The following TLE5 variants were observed in gnomAD, a reference collection of about 807,000 sequenced individuals.
TLE5 encodes the protein TLE family member 5, transcriptional modulator.
In TLE5, 7 loss-of-function variants were observed where a neutral mutation model predicts 25.8. The ratio of observed to expected loss-of-function variants is 0.27; its 90% CI spans 0.15 to 0.51. TLE5 has a LOEUF of 0.51. TLE5 is among the 20% of genes least tolerant of loss of function. The pLI, the probability that TLE5 is intolerant of heterozygous loss-of-function variation, is 0.97. For synonymous variants in TLE5, 132 were observed against 110.5 expected (o/e 1.20, Z -1.22); for missense variants, 149 against 250.7 (o/e 0.59, Z 2.74).
rs141966620 is a variant in TLE5, at chr19:3,053,945, C to T, written c.468G>A (p.Ala156=). Residue 156 remains alanine, a synonymous_variant, in exon 7 of 7, where the codon GCG becomes GCA. Transcript: ENST00000327141. ...AGAGGAGGCCGGTGCCTGCGCTGAC[C>T]GCCGGCAGCGAAGGCGGCTGCAGCC... ...PVGLQPPSLP[A]VSAGTGLLSL... is the part of the protein sequence containing the mutation. 1.1e-3 allele frequency: 1,792 copies of T among 1,612,062 alleles called. No homozygotes were observed. Among genetic ancestry groups the T allele is most frequent in the Non-Finnish European group, 1.4e-3 (1,631 of 1,179,600 alleles).
upstream of TLE5, chr19:3,062,940 TA>T: frequency 1.2e-6 from 1 of 835,376 alleles, no homozygotes; most frequent in Non-Finnish European, 1.9e-6. Flanking sequence ...ATAGAACGCC[TA>T]CTGTGTGCCA....
chr19:3,053,420 C>T lies in TLE5; in HGVS notation c.*399G>A, dbSNP rs2145252440. ...GGAAAGGGGCAGCTAGCATTGCGTG[C>T]ATGCAGTACCAGGGTGAGAGGGCTG... On this transcript the variant is annotated 3_prime_UTR_variant, in exon 7 of 7. Coordinates refer to ENST00000327141, the MANE Select transcript of TLE5 (RefSeq NM_001130.6). The T allele has an allele frequency of 5.1e-6, 1 of 194,506 alleles. No individual in the cohort carries two copies. Among genetic ancestry groups the T allele is most frequent in the South Asian group, 1.2e-4 (1 of 8,434 alleles). 12.0% of individuals were successfully genotyped at this position (194,506 alleles called of 1,614,324 possible). A position where few individuals can be genotyped will look rare whatever the true frequency, so the allele number is the denominator to read the frequency against.
chr19:3,056,458 GGAGACAGCAA>G, intron 3 of TLE5, 102 bp from the exon 4 acceptor site: 1 of 513,404 alleles, frequency 1.9e-6, no homozygotes. Flanking sequence ...GACAAAGGGG[GGAGACAGCAA>G]GAGACAGCTG....
Position 3,053,466 on chromosome 19 carries a change from T to G in TLE5, c.*353A>C. 1 of 322,726 alleles carries G rather than the reference T, an allele frequency of 3.1e-6. No homozygotes were observed. Among genetic ancestry groups the G allele is most frequent in the East Asian group, 6.4e-5 (1 of 15,690 alleles). 20.0% of individuals were successfully genotyped at this position (322,726 alleles called of 1,614,324 possible). On this transcript the variant is annotated 3_prime_UTR_variant, in exon 7 of 7. Coordinates refer to ENST00000327141, the MANE Select transcript of TLE5 (RefSeq NM_001130.6). Reference sequence around the variant, plus strand: ...GGCTGTGGCCCAGGCAGACTGTCGGTTACACATGTTCAAAACGGGGGAAGG... The same window carrying G: ...GGCTGTGGCCCAGGCAGACTGTCGGGTACACATGTTCAAAACGGGGGAAGG...
At chr19:3,054,086 T>TGGGGGGGGGCC in intron 6 of TLE5, 34 bp downstream of exon 6, 2 of 1,512,802 alleles carry the variant, frequency 1.3e-6, no homozygotes, top group Admixed American at 2.1e-5. Context: ...GGCCCACCTG[T>TGGGGGGGGGCC]CCCCCGCCCA....
At position 3,056,351 on chromosome 19, in the gene TLE5, G is replaced by A. The variant is rs1233409610; in HGVS notation, c.195C>T (p.Tyr65=). ...SEMQRHYVMY[Y]EMSYGLNIEM... The stretch of plus-strand genomic sequence containing the variant: ...CGATGTTCAAGCCGTAGGACATCTC[G>A]TAGTACTGTATGGGGGAGAGAGAGG... Residue 65 remains tyrosine (Y), a synonymous_variant, in exon 4 of 7, where the codon TAC becomes TAT. Coordinates refer to ENST00000327141, the MANE Select transcript of TLE5 (RefSeq NM_001130.6). 7.9e-6 allele frequency: 11 copies of A among 1,387,154 alleles called. No homozygotes were observed. The highest frequency in any genetic ancestry group is 1.5e-5 in the African/African-American group (1 of 64,920). 85.9% of individuals were successfully genotyped at this position (1,387,154 alleles called of 1,614,324 possible).
rs2090277764 is a variant in TLE5 at position 3,062,231 on chromosome 19, C to T, written c.-31G>A. 2.4e-5 allele frequency: 27 copies of T among 1,106,930 alleles called. No homozygotes were observed. Among genetic ancestry groups the T allele is most frequent in the Non-Finnish European group, 3.0e-5 (27 of 906,812 alleles). 68.6% of individuals were successfully genotyped at this position (1,106,930 alleles called of 1,614,324 possible). The stretch of plus-strand genomic sequence containing the variant: ...TCGCGGCGGGGGGCGCGGGCTGCGC[C>T]CCGGCTGTGCGCCCCGGCTCGGGCT... On this transcript the variant is annotated 5_prime_UTR_variant, in exon 1 of 7. Coordinates refer to ENST00000327141, the MANE Select transcript of TLE5 (RefSeq NM_001130.6).
chr19:3,057,580 G>A, intron 3 of TLE5, 99 bp downstream of exon 3: 1 of 1,188,142 alleles, frequency 8.4e-7, no homozygotes, highest in Non-Finnish European at 1.2e-6. Context: ...TCCCAGGGGA[G>A]GTGGCCGGGG....
upstream of TLE5, chr19:3,062,850 G>A (rs1277893021): frequency 6.5e-7 from 1 of 1,529,610 alleles, no homozygotes. Context: ...GGTGGTTCTT[G>A]CTGAGCCTTA....
Position 3,053,639 on chromosome 19 carries a change from AG to A in TLE5, c.*179del, listed in dbSNP as rs771554775. The A allele has an allele frequency of 5.3e-4, 342 of 646,064 alleles. No individual in the cohort carries two copies. Among genetic ancestry groups the A allele is most frequent in the Middle Eastern group, 2.9e-3 (7 of 2,390 alleles). The allele number at this position is 646,064 out of a possible 1,614,324, so 40.0% of individuals were successfully genotyped here. On this transcript the variant is annotated 3_prime_UTR_variant, in exon 7 of 7. Coordinates refer to ENST00000327141, the MANE Select transcript of TLE5 (RefSeq NM_001130.6). ...GGAGGAGGGAAGCCGGGAATGGGGT[AG>A]GAAGAAAGCTAGAGGTGGCCTGCAA...
chr19:3,058,464 G>A (rs956490626), intron 2 of TLE5, among the ~76,000 whole-genome samples: 1 of 152,200 alleles, frequency 6.6e-6, no homozygotes, highest in African/African-American at 2.4e-5. Context: ...AGAGGGTCTG[G>A]GGCTGCAAGG....
intron 2 of TLE5, chr19:3,060,897 G>T (rs1173363265): frequency 2.6e-5 from 7 of 270,436 alleles, no homozygotes; most frequent in South Asian, 5.6e-5. Context: ...GGGGGACTTG[G>T]GGGTATTGGG....
At chr19:3,062,670 C>G (rs988368377), upstream of TLE5, 87 of 1,382,132 alleles carry the variant, frequency 6.3e-5, no homozygotes, top group Middle Eastern at 2.4e-3. Flanking sequence ...GCCCCCGCCC[C>G]GGGCAGCGGC....
At chr19:3,057,612 G>T in intron 3 of TLE5, 67 bp downstream of exon 3, 1 of 1,485,040 alleles carries the variant, frequency 6.7e-7, no homozygotes, top group Non-Finnish European at 9.4e-7. Context: ...GCTGCCCGTG[G>T]TGGAGGGGAT....
intron 1 of TLE5, 168 bp from the exon 2 acceptor site, chr19:3,061,425 G>A: frequency 2.2e-6 from 1 of 450,068 alleles, no homozygotes; most frequent in Non-Finnish European, 3.9e-6. Context: ...CCTGCCCCCC[G>A]CCTCTCCCGG....
chr19:3,057,595 G>A lies in TLE5; in HGVS notation c.189+84C>T. ...TCCCAGGGGAGGTGGCCGGGGTTGAGGGAGCAGCTGCCCGTGGTGGAGGGG... is the reference window on the plus strand; with the variant it reads ...TCCCAGGGGAGGTGGCCGGGGTTGAAGGAGCAGCTGCCCGTGGTGGAGGGG... On this transcript the variant is annotated intron_variant, in intron 3 of 6. Transcript: ENST00000327141. The A allele has an allele frequency of 3.7e-6, 5 of 1,366,932 alleles. No homozygotes were observed. The South Asian group carries it at 5.8e-5, about 16-fold the overall frequency. The allele number at this position is 1,366,932 out of a possible 1,614,324, so 84.7% of individuals were successfully genotyped here. A position where few individuals can be genotyped will look rare whatever the true frequency, so the allele number is the denominator to read the frequency against.
intron 5 of TLE5, chr19:3,055,309 G>A (rs2277741): frequency 0.087 from 15,092 of 173,944 alleles, 838 homozygotes; most frequent in East Asian, 0.15. Flanking sequence ...TGTGCAGCCC[G>A]CATGGCCTGG....
At chr19:3,055,620 T>C (rs778497536) in intron 5 of TLE5, 44 bp downstream of exon 5, 1 of 1,548,164 alleles carries the variant, frequency 6.5e-7, no homozygotes, top group Non-Finnish European at 8.7e-7. Context: ...GCTGGGCAAG[T>C]GCGGGGCCCC....
In TLE5 at chr19:3,055,718, G is replaced by A. The variant is rs199751376; in HGVS notation, c.243C>T (p.Ile81=). Residue 81 remains isoleucine, a synonymous_variant, in exon 5 of 7, where the codon ATC becomes ATT. Transcript: ENST00000327141. ...LNIEMHKQAE[I]VKRLNGICAQ... is the part of the protein sequence containing the mutation. ...CACAAATCCCGTTCAGCCTTTTGACGATCTCAGCCTGGAACACACAGATGA... is the reference window on the plus strand; with the variant it reads ...CACAAATCCCGTTCAGCCTTTTGACAATCTCAGCCTGGAACACACAGATGA... 4.5e-5 allele frequency: 72 copies of A among 1,608,584 alleles called. No homozygotes were observed. In the African/African-American group the frequency reaches 8.4e-4, roughly 19 times the overall value.
Sources: allele counts gnomAD v4.1 joint callset (sites outside exome capture counted in the v4.1 genomes callset), GRCh38; gene constraint gnomAD v4.1.1; transcripts MANE v1.5; gene names NCBI Gene and HGNC (gene_info 2026-07-23, HGNC 2026-07-21).